The following NKAIN3 variants were observed in gnomAD, a reference collection of about 807,000 sequenced individuals.
NKAIN3 encodes sodium/potassium-transporting ATPase subunit beta-1-interacting protein 3.
A neutral mutation model predicts 30.2 loss-of-function variants in NKAIN3; 25 were observed. That is an observed-to-expected ratio of 0.83 (90% confidence interval 0.60 to 1.16). The LOEUF (loss-of-function observed/expected upper bound fraction) is 1.16, where lower values mean the gene tolerates loss of function less well. NKAIN3 is among the 50% of genes most tolerant of loss of function. The pLI is 0.00. For synonymous variants in NKAIN3, 91 were observed against 89.6 expected, an observed-to-expected ratio of 1.02 and a Z score of -0.09; for missense variants, 225 against 254.1, an observed-to-expected ratio of 0.89 and a Z score of 0.78.
chr8:62,568,801 A>G (rs1299225905), intron 1 of NKAIN3, among the ~76,000 whole-genome samples: 4 of 152,192 alleles, frequency 2.6e-5, no homozygotes, highest in Non-Finnish European at 5.9e-5. Context: ...TCACTTCTTG[A>G]GATATAGGGA....
chr8:62,454,413 C>T (rs13275695), intron 1 of NKAIN3, among the ~76,000 whole-genome samples: 12,113 of 151,082 alleles, frequency 0.08, 684 homozygotes, highest in Middle Eastern at 0.13. Flanking sequence ...GTCTGTGGGC[C>T]GTGGGTTGGA....
chr8:62,845,356 T>C (rs1357504774), intron 4 of NKAIN3, among the ~76,000 whole-genome samples: 2 of 143,884 alleles, frequency 1.4e-5, no homozygotes, highest in Non-Finnish European at 3.0e-5. Context: ...TTATCAAAGA[T>C]TCTTCCCCCA....
chr8:62,624,362 A>G (rs1441159823), intron 3 of NKAIN3, among the ~76,000 whole-genome samples: 2 of 151,820 alleles, frequency 1.3e-5, no homozygotes, highest in African/African-American at 4.8e-5. Flanking sequence ...ACTTCTGAAA[A>G]TTTCAGAGTT....
At chr8:62,861,739 C>T (rs559305482) in intron 4 of NKAIN3, among the ~76,000 whole-genome samples, 89 of 152,286 alleles carry the variant, frequency 5.8e-4, no homozygotes, top group African/African-American at 1.0e-3. Context: ...AAGAAATCTA[C>T]GGAAGGGCTC....
chr8:62,267,718 A>T (rs904564260), intron 1 of NKAIN3, among the ~76,000 whole-genome samples: 16 of 152,186 alleles, frequency 1.1e-4, no homozygotes, highest in African/African-American at 3.9e-4. Flanking sequence ...TTCCTACACC[A>T]TCAGGATGAT....
intron 1 of NKAIN3, among the ~76,000 whole-genome samples, chr8:62,382,293 A>T (rs1044389528): frequency 6.6e-6 from 1 of 152,170 alleles, no homozygotes; most frequent in Non-Finnish European, 1.5e-5. Flanking sequence ...TTTACTATTC[A>T]TTAAGTGGGT....
chr8:62,745,522 G>A (rs1816041871), intron 3 of NKAIN3, among the ~76,000 whole-genome samples: 1 of 152,164 alleles, frequency 6.6e-6, no homozygotes. Context: ...ATGGGTGGTT[G>A]CAGTCTTTGG....
At chr8:62,417,793 A>G (rs1292007748) in intron 1 of NKAIN3, among the ~76,000 whole-genome samples, 1 of 151,562 alleles carries the variant, frequency 6.6e-6, no homozygotes, top group African/African-American at 2.4e-5. Flanking sequence ...TTCTATTAAA[A>G]CCTTTTGCTT....
intron 3 of NKAIN3, among the ~76,000 whole-genome samples, chr8:62,729,035 A>AAAAAAAAACCTCAAAAC (rs1344781585): frequency 9.1e-6 from 1 of 110,226 alleles, no homozygotes; most frequent in Non-Finnish European, 1.8e-5. Flanking sequence ...AAAAAAAAAA[A>AAAAAAAAACCTCAAAAC]AAAACAAAAA....
chr8:62,904,937 G>T (rs1405297317), intron 4 of NKAIN3, among the ~76,000 whole-genome samples: 1 of 152,120 alleles, frequency 6.6e-6, no homozygotes, highest in African/African-American at 2.4e-5. Context: ...CCCTGATGGA[G>T]CTGGGGCAGG....
intron 1 of NKAIN3, among the ~76,000 whole-genome samples, chr8:62,326,719 T>G (rs1366385549): frequency 6.6e-6 from 1 of 152,008 alleles, no homozygotes; most frequent in Non-Finnish European, 1.5e-5. Flanking sequence ...GGCATTTCAG[T>G]TTCCACCTTT....
At chr8:62,574,292 T>C (rs1810039579) in intron 1 of NKAIN3, among the ~76,000 whole-genome samples, 2 of 152,156 alleles carry the variant, frequency 1.3e-5, no homozygotes, top group Admixed American at 1.3e-4. Context: ...TTTCATCTGT[T>C]AATGGACAGA....
chr8:62,729,578 T>C (rs1427676372), intron 3 of NKAIN3, among the ~76,000 whole-genome samples: 2 of 152,122 alleles, frequency 1.3e-5, no homozygotes, highest in Non-Finnish European at 2.9e-5. Context: ...AGCAGCTTTA[T>C]CCATAATTAT....
At chr8:62,467,044 C>CCT (rs1435729654) in intron 1 of NKAIN3, among the ~76,000 whole-genome samples, 3 of 152,108 alleles carry the variant, frequency 2.0e-5, no homozygotes, top group Non-Finnish European at 4.4e-5. Context: ...CTGCCTCCGA[C>CCT]CTCTCACCTC....
chr8:62,580,531 A>C (rs11786076), intron 2 of NKAIN3, among the ~76,000 whole-genome samples: 69,883 of 151,982 alleles, frequency 0.46, 17,998 homozygotes, highest in Non-Finnish European at 0.59. Flanking sequence ...ATATTGCCTC[A>C]CTAGAAGAAA....
At position 62,980,453 on chromosome 8, in the gene NKAIN3, G is replaced by A. The variant is rs577773367; in HGVS notation, c.*15046G>A. On this transcript the variant is annotated 3_prime_UTR_variant, in exon 7 of 7. Coordinates refer to ENST00000623646, the MANE Select transcript of NKAIN3 (RefSeq NM_001304533.3). ...CATAATCATTGCAATTATTTCTACTGTATTCAGATAATGATAATACAAATA... is the reference window on the plus strand; with the variant it reads ...CATAATCATTGCAATTATTTCTACTATATTCAGATAATGATAATACAAATA... 6.6e-6 allele frequency: 1 copy of A among 152,248 alleles called. No individual in the cohort carries two copies. Among genetic ancestry groups the A allele is most frequent in the African/African-American group, 2.4e-5 (1 of 41,522 alleles). 9.4% of individuals were successfully genotyped at this position (152,248 alleles called of 1,614,324 possible).
intron 1 of NKAIN3, among the ~76,000 whole-genome samples, chr8:62,568,110 G>A (rs1028227072): frequency 6.6e-6 from 1 of 152,146 alleles, no homozygotes; most frequent in African/African-American, 2.4e-5. Context: ...TGGGTGGGGT[G>A]GAGAAGAAAG....
intron 5 of NKAIN3, among the ~76,000 whole-genome samples, chr8:62,921,029 A>G (rs1219695553): frequency 6.6e-6 from 1 of 152,206 alleles, no homozygotes; most frequent in Non-Finnish European, 1.5e-5. Context: ...GTCTGAAGCC[A>G]ATTGCAATGA....
intron 3 of NKAIN3, among the ~76,000 whole-genome samples, chr8:62,640,134 T>A (rs1812260767): frequency 6.6e-6 from 1 of 152,150 alleles, no homozygotes; most frequent in African/African-American, 2.4e-5. Context: ...ATTGGTATCT[T>A]CTCCAGGGCA....
Sources: allele counts gnomAD v4.1 joint callset (sites outside exome capture counted in the v4.1 genomes callset), GRCh38; gene constraint gnomAD v4.1.1; transcripts MANE v1.5; gene names NCBI Gene and HGNC (gene_info 2026-07-23, HGNC 2026-07-21).